RORB: variants seen among roughly 807,000 people sequenced by gnomAD.
RORB encodes the protein nuclear receptor ROR-beta.
Under a neutral mutation model 59.1 loss-of-function variants are expected in RORB, and 6 were observed. The observed-to-expected ratio is 0.10, with a 90% CI of 0.06 to 0.20. RORB has a LOEUF of 0.20. RORB is among the 10% of genes least tolerant of loss of function. The pLI is 1.00. For synonymous variants in RORB, 215 were observed against 204.5 expected (o/e 1.05, Z -0.44); for missense variants, 320 against 560.5 (o/e 0.57, Z 4.33).
At chr9:74,647,815 G>GC in intron 4 of RORB, among the ~76,000 whole-genome samples, 1 of 152,244 alleles carries the variant, frequency 6.6e-6, no homozygotes, top group East Asian at 1.9e-4. Flanking sequence ...TTTACTAGTA[G>GC]TGTTTTATTT....
intron 1 of RORB, among the ~76,000 whole-genome samples, chr9:74,528,683 A>G (rs1194196663): frequency 6.6e-6 from 1 of 151,870 alleles, no homozygotes; most frequent in Non-Finnish European, 1.5e-5. Flanking sequence ...TACTGAAATT[A>G]TTTTCTTCTT....
intron 1 of RORB, among the ~76,000 whole-genome samples, chr9:74,538,215 G>T (rs938824105): frequency 6.6e-6 from 1 of 152,016 alleles, no homozygotes. Flanking sequence ...ATTTAGACTT[G>T]TGTAAGTACA....
At chr9:74,681,109 T>G (rs1039366468) in intron 9 of RORB, among the ~76,000 whole-genome samples, 4 of 152,220 alleles carry the variant, frequency 2.6e-5, no homozygotes, top group Admixed American at 6.5e-5. Context: ...CTATGGGGAT[T>G]ATTTAAACAT....
intron 1 of RORB, among the ~76,000 whole-genome samples, chr9:74,629,321 C>T (rs538165273): frequency 1.3e-5 from 2 of 151,586 alleles, no homozygotes; most frequent in African/African-American, 2.4e-5. Flanking sequence ...CTGTTCACTT[C>T]GTTGATTCCT....
At chr9:74,509,761 T>C (rs1300208411) in intron 1 of RORB, among the ~76,000 whole-genome samples, 1 of 152,078 alleles carries the variant, frequency 6.6e-6, no homozygotes, top group African/African-American at 2.4e-5. Flanking sequence ...CCTATTATCA[T>C]CCTTCTGTGT....
chr9:74,631,025 A>G (rs538281849), intron 2 of RORB, among the ~76,000 whole-genome samples: 1 of 152,290 alleles, frequency 6.6e-6, no homozygotes, highest in East Asian at 1.9e-4. Flanking sequence ...ATGGCCAAAA[A>G]CATGGGGTTT....
Position 74,667,877 on chromosome 9 carries a change from T to G in RORB, c.1087T>G (p.Ser363Ala). 6.2e-7 allele frequency: 1 copy of G among 1,611,262 alleles called. No homozygotes were observed. The highest frequency in any genetic ancestry group is 8.5e-7 in the Non-Finnish European group (1 of 1,177,378). Residue 363 changes from serine (S) to alanine (A), a missense_variant, in exon 8 of 10, where the codon TCA (serine) becomes GCA (alanine). Ser to Ala is a moderately conservative substitution (Grantham distance 99). Transcript: ENST00000376896. Reference sequence around the variant, plus strand: ...GACCGAGGAGGAGATCGCTTTGTTCTCATCTGCTGTTCTGATATCTCCAGG... The same window carrying G: ...GACCGAGGAGGAGATCGCTTTGTTCGCATCTGCTGTTCTGATATCTCCAGG... ...QLTEEEIALF[S>A]SAVLISPDRA...
At position 74,687,667 on chromosome 9, in the gene RORB, G is replaced by C. The variant is rs1000645866; in HGVS notation, c.*2049G>C. On this transcript the variant is annotated 3_prime_UTR_variant, in exon 10 of 10. Transcript: ENST00000376896. ...AGACTGCTTATTATGCTGCTACAGG[G>C]ACTCAATTCTTTTTGGTGTAAATGT... 2 of 152,102 alleles carry C rather than the reference G, an allele frequency of 1.3e-5. No homozygotes were observed. The highest frequency in any genetic ancestry group is 2.9e-5 in the Non-Finnish European group (2 of 68,004). 9.4% of individuals were successfully genotyped at this position (152,102 alleles called of 1,614,324 possible). A position where few individuals can be genotyped will look rare whatever the true frequency, so the allele number is the denominator to read the frequency against.
At chr9:74,504,714 T>C (rs896844009) in intron 1 of RORB, among the ~76,000 whole-genome samples, 1 of 152,110 alleles carries the variant, frequency 6.6e-6, no homozygotes, top group Admixed American at 6.6e-5. Flanking sequence ...TACTAAATTA[T>C]GCTTTTCTTA....
At chr9:74,585,559 G>A (rs1301589665) in intron 1 of RORB, among the ~76,000 whole-genome samples, 2 of 152,114 alleles carry the variant, frequency 1.3e-5, no homozygotes, top group East Asian at 3.9e-4. Context: ...TTCTGTGTTA[G>A]ACAGAAGGCA....
intron 1 of RORB, among the ~76,000 whole-genome samples, chr9:74,571,065 T>G (rs1295807637): frequency 1.3e-5 from 2 of 151,910 alleles, no homozygotes; most frequent in African/African-American, 4.8e-5. Flanking sequence ...TGGAGAAATG[T>G]GTGCATTAAA....
intron 1 of RORB, among the ~76,000 whole-genome samples, chr9:74,557,346 G>T (rs1247485789): frequency 1.3e-5 from 2 of 152,180 alleles, no homozygotes; most frequent in South Asian, 2.1e-4. Context: ...AACCCCAGTT[G>T]CTGCTGGCAA....
intron 1 of RORB, among the ~76,000 whole-genome samples, chr9:74,566,519 G>A (rs770687865): frequency 3.3e-5 from 5 of 152,012 alleles, no homozygotes; most frequent in South Asian, 2.1e-4. Flanking sequence ...CCTTCCGGCC[G>A]GGCACAGTGG....
In RORB at chr9:74,685,691, C is replaced by G; in HGVS notation, c.*73C>G. 1.6e-6 allele frequency: 2 copies of G among 1,238,342 alleles called. No individual in the cohort carries two copies. Among genetic ancestry groups the G allele is most frequent in the Non-Finnish European group, 2.2e-6 (2 of 920,836 alleles). 76.7% of individuals were successfully genotyped at this position (1,238,342 alleles called of 1,614,324 possible). A position where few individuals can be genotyped will look rare whatever the true frequency, so the allele number is the denominator to read the frequency against. Reference sequence around the variant, plus strand: ...GACAAAAGCAATGTGTTCATGAAGACTTAAGAAAAATGTCACTACTGCAAC... The same window carrying G: ...GACAAAAGCAATGTGTTCATGAAGAGTTAAGAAAAATGTCACTACTGCAAC... On this transcript the variant is annotated 3_prime_UTR_variant, in exon 10 of 10. Coordinates refer to ENST00000376896, the MANE Select transcript of RORB (RefSeq NM_006914.4).
intron 7 of RORB, 126 bp downstream of exon 7, chr9:74,665,721 G>T: frequency 1.6e-6 from 1 of 626,772 alleles, no homozygotes. Context: ...TTCGATAAGC[G>T]ATGGACCAGG....
intron 1 of RORB, among the ~76,000 whole-genome samples, chr9:74,616,575 G>A (rs568930215): frequency 6.6e-6 from 1 of 152,272 alleles, no homozygotes; most frequent in South Asian, 2.1e-4. Context: ...CATCAATGGA[G>A]TCTTTAAGTA....
At position 74,691,696 on chromosome 9, in the gene RORB, AG is replaced by A; in HGVS notation, c.*6083del. ...TAAGACTTTGTAACAATTTTTTTAG[AG>A]GGGGAAAATCAACAAAGAGCAAATA... On this transcript the variant is annotated 3_prime_UTR_variant, in exon 10 of 10. Transcript: ENST00000376896. 1.3e-5 allele frequency: 2 copies of A among 152,224 alleles called. No individual in the cohort carries two copies. Among genetic ancestry groups the A allele is most frequent in the Admixed American group, 1.3e-4 (2 of 15,292 alleles). 9.4% of individuals were successfully genotyped at this position (152,224 alleles called of 1,614,324 possible).
intron 1 of RORB, among the ~76,000 whole-genome samples, chr9:74,593,179 G>A (rs1291152851): frequency 6.6e-6 from 1 of 152,002 alleles, no homozygotes; most frequent in Non-Finnish European, 1.5e-5. Context: ...AAACAGAAGA[G>A]GAAGAGGCCG....
intron 1 of RORB, among the ~76,000 whole-genome samples, chr9:74,539,686 A>T (rs950032985): frequency 6.6e-6 from 1 of 152,152 alleles, no homozygotes; most frequent in Non-Finnish European, 1.5e-5. Context: ...AATGCTATGA[A>T]GACAAATAAA....
Sources: gnomAD v4.1 joint callset for allele counts (sites outside exome capture counted in the v4.1 genomes callset) on GRCh38, gnomAD v4.1.1 for gene constraint, MANE v1.5 for transcripts, NCBI Gene and HGNC (gene_info 2026-07-23, HGNC 2026-07-21) for gene names.